Variants in MACF1 observed in about 807,000 individuals in gnomAD.
The protein encoded by MACF1 is microtubule actin crosslinking factor 1.
In MACF1, 193 loss-of-function variants were observed where a neutral mutation model predicts 854.8. The observed-to-expected ratio is 0.23, with a 90% confidence interval of 0.20 to 0.25. The LOEUF is 0.25. Ranked by LOEUF, MACF1 falls within the 10% of genes least tolerant of loss-of-function variation. The probability of loss-of-function intolerance (pLI) is 1.00; values close to 1 mark genes in which losing one functional copy is unlikely to be tolerated. For missense variants in MACF1, 7,722 were observed against 8,929.1 expected (o/e 0.86, Z 5.45); for synonymous variants, 3,185 against 3,226.7 (o/e 0.99, Z 0.44).
At chr1:39,396,060 G>C (rs1429096605) in intron 58 of MACF1, among the ~76,000 whole-genome samples, 1 of 152,184 alleles carries the variant, frequency 6.6e-6, no homozygotes, top group East Asian at 1.9e-4. Context: ...CAACAAACAG[G>C]CTAGGCGCAG....
At chr1:39,411,954 C>T (rs1643027536) in intron 58 of MACF1, 2 of 1,613,964 alleles carry the variant, frequency 1.2e-6, no homozygotes, top group African/African-American at 2.7e-5. Flanking sequence ...TCATGAGAGA[C>T]ACTTCCACTG....
intron 2 of MACF1, among the ~76,000 whole-genome samples, chr1:39,171,001 C>T (rs1260931695): frequency 2.0e-5 from 3 of 152,142 alleles, no homozygotes; most frequent in Non-Finnish European, 2.9e-5. Flanking sequence ...TAACTTGTCC[C>T]CCACTTGGTA....
At chr1:39,171,044 T>C (rs1183040198) in intron 2 of MACF1, among the ~76,000 whole-genome samples, 2 of 152,172 alleles carry the variant, frequency 1.3e-5, no homozygotes, top group African/African-American at 2.4e-5. Context: ...ATTGTGACTG[T>C]AGGGCTGGCT....
chr1:39,395,970 G>A (rs1375952083), intron 58 of MACF1, among the ~76,000 whole-genome samples: 1 of 152,196 alleles, frequency 6.6e-6, no homozygotes, highest in African/African-American at 2.4e-5. Flanking sequence ...TGAATGGAAG[G>A]TAGTAAAATC....
chr1:39,089,516 A>G (rs1641753725), intron 2 of MACF1, among the ~76,000 whole-genome samples: 1 of 152,138 alleles, frequency 6.6e-6, no homozygotes. Context: ...CATTGTTCCC[A>G]GGTTCATTTC....
intron 97 of MACF1, 45 bp downstream of exon 97, chr1:39,469,660 T>G: frequency 1.4e-6 from 2 of 1,414,912 alleles, no homozygotes; most frequent in Non-Finnish European, 2.0e-6. Context: ...CCTAGCCCAT[T>G]GAGAATGGCT....
intron 2 of MACF1, among the ~76,000 whole-genome samples, chr1:39,168,591 C>T (rs1643905514): frequency 6.6e-6 from 1 of 152,080 alleles, no homozygotes; most frequent in Non-Finnish European, 1.5e-5. Flanking sequence ...TGCAGAGCTC[C>T]CTGAGAGCTG....
chr1:39,245,545 G>C (rs1368881194), intron 2 of MACF1, among the ~76,000 whole-genome samples: 1 of 152,056 alleles, frequency 6.6e-6, no homozygotes, highest in African/African-American at 2.4e-5. Context: ...TCCCAAATTG[G>C]TGGTATTACA....
intron 2 of MACF1, among the ~76,000 whole-genome samples, chr1:39,094,862 C>T (rs760054450): frequency 1.3e-5 from 2 of 152,010 alleles, no homozygotes; most frequent in Non-Finnish European, 2.9e-5. Flanking sequence ...CTGCACTCTA[C>T]CCTGGGCTAC....
intron 69 of MACF1, 131 bp from the exon 70 acceptor site, chr1:39,435,427 A>G (rs1198030032): frequency 4.3e-6 from 3 of 698,734 alleles, no homozygotes; most frequent in African/African-American, 3.6e-5. Context: ...AAATGGTGAG[A>G]TGCTGGGCCT....
In MACF1 at chr1:39,424,206, G is replaced by A. The variant is rs1643650358; in HGVS notation, c.16316+12G>A. 1.9e-6 allele frequency: 3 copies of A among 1,609,242 alleles called. No individual in the cohort carries two copies. Among genetic ancestry groups the A allele is most frequent in the East Asian group, 2.2e-5 (1 of 44,750 alleles). On this transcript the variant is annotated intron_variant, in intron 61 of 100. Coordinates refer to ENST00000564288, the MANE Select transcript of MACF1 (RefSeq NM_001394062.1). ...AAGGCAGCAGCCAGGTAAGATCAAA[G>A]GAATTTTGAGGAGTGGGTCAGAGGT...
In MACF1 at chr1:39,335,300, T is replaced by A; in HGVS notation, c.8712T>A (p.Asn2904Lys). 6.2e-7 allele frequency: 1 copy of A among 1,613,956 alleles called. No homozygotes were observed. Among genetic ancestry groups the A allele is most frequent in the East Asian group, 2.2e-5 (1 of 44,858 alleles). The stretch of plus-strand genomic sequence containing the variant: ...AAGTGGCTAGAAATAACATGGGAAA[T>A]GATACAAATGAAGAGCAGGAAAAAG... ...LKEVARNNMG[N>K]DTNEEQEKAV... Residue 2904 changes from asparagine (N) to lysine (K), a missense_variant, in exon 37 of 101, where the codon AAT becomes AAA. Physicochemically the swap from Asn to Lys is moderately conservative, Grantham distance 94 (BLOSUM62 0). Coordinates refer to ENST00000564288, the MANE Select transcript of MACF1 (RefSeq NM_001394062.1).
rs369852844 is a variant in MACF1 at position 39,156,154 on chromosome 1, C to T, written c.220+71716C>T. Among the ~76,000 whole-genome samples, 22 of 152,194 alleles carry T rather than the reference C, an allele frequency of 1.4e-4. No individual in the cohort carries two copies. In the East Asian group the frequency reaches 3.7e-3, roughly 25 times the overall value. ...CCTCCCAAAGTGCTGGGATTACAGG[C>T]GTGAGCCACCGTGCCTGGCCTATTT... On this transcript the variant is annotated intron_variant, in intron 2 of 93. Coordinates refer to the MACF1 transcript ENST00000361689.
At chr1:39,412,099 C>G (rs1030476519) in intron 58 of MACF1, 1 of 1,613,860 alleles carries the variant, frequency 6.2e-7, no homozygotes, top group African/African-American at 1.3e-5. Context: ...CAGGGTTTCT[C>G]ATGAAGAAAA....
intron 30 of MACF1, 109 bp from the exon 31 acceptor site, chr1:39,319,555 A>T (rs896111875): frequency 1.4e-6 from 1 of 713,280 alleles, no homozygotes. Flanking sequence ...CTTTCCAGCA[A>T]TTCTGATGCA....
rs368752547 is a variant in MACF1, at chr1:39,339,539, G to T, written c.10216-963G>T. ...GATATAAACTAACTTGCAGCTGGAA[G>T]AAATGGGAGGTTGGAAAGTAGAGAC... On this transcript the variant is annotated intron_variant, in intron 38 of 100. Transcript: ENST00000564288. 1.3e-3 allele frequency among the ~76,000 whole-genome samples: 201 copies of T among 152,312 alleles called. 3 individuals carry two copies. The South Asian group carries it at 0.032, about 24-fold the overall frequency.
chr1:39,121,258 G>C (rs989441984), intron 2 of MACF1, among the ~76,000 whole-genome samples: 1 of 152,082 alleles, frequency 6.6e-6, no homozygotes, highest in Non-Finnish European at 1.5e-5. Flanking sequence ...CTCCTTACCA[G>C]GTAAGTGGGT....
intron 6 of MACF1, among the ~76,000 whole-genome samples, chr1:39,261,332 G>C (rs1229651279): frequency 6.6e-6 from 1 of 151,956 alleles, no homozygotes; most frequent in African/African-American, 2.4e-5. Flanking sequence ...ACTTTACTGA[G>C]GTGTAATTTA....
At chr1:39,212,221 AG>A (rs1219966307) in intron 1 of MACF1, among the ~76,000 whole-genome samples, 1 of 152,134 alleles carries the variant, frequency 6.6e-6, no homozygotes, top group Non-Finnish European at 1.5e-5. Flanking sequence ...TGGGAAAAAA[AG>A]AAGGGGAATG....
Sources: allele counts gnomAD v4.1 joint callset (sites outside exome capture counted in the v4.1 genomes callset), GRCh38; gene constraint gnomAD v4.1.1; transcripts MANE v1.5; gene names NCBI Gene and HGNC (gene_info 2026-07-23, HGNC 2026-07-21).